The following RASEF variants were observed in gnomAD, a reference collection of about 807,000 sequenced individuals.
RASEF encodes the protein RAS and EF-hand domain containing.
RASEF carries 68 observed loss-of-function variants against 90.1 expected under a neutral mutation model. That is an observed-to-expected ratio of 0.75 (90% CI 0.62 to 0.92). RASEF has a LOEUF of 0.92. Ranked by LOEUF, RASEF falls within the 40% of genes least tolerant of loss-of-function variation. The probability of loss-of-function intolerance (pLI) is 0.00; values close to 1 mark genes in which losing one functional copy is unlikely to be tolerated. For missense variants in RASEF, 949 were observed against 937.2 expected, an observed-to-expected ratio of 1.01 and a Z score of -0.16; for synonymous variants, 331 against 345.2, an observed-to-expected ratio of 0.96 and a Z score of 0.46.
the RASEF span, among the ~76,000 whole-genome samples, chr9:83,118,662 A>C: frequency 6.6e-6 from 1 of 152,176 alleles, no homozygotes; most frequent in Non-Finnish European, 1.5e-5. Flanking sequence ...TATAGTTTCC[A>C]TCATCACCAC....
chr9:83,194,465 T>A, the RASEF span, among the ~76,000 whole-genome samples: 23 of 152,126 alleles, frequency 1.5e-4, no homozygotes, highest in African/African-American at 5.3e-4. Context: ...TCAACATGAC[T>A]CGTCACAGAT....
chr9:83,212,358 A>G, the RASEF span, among the ~76,000 whole-genome samples: 1 of 152,252 alleles, frequency 6.6e-6, no homozygotes, highest in African/African-American at 2.4e-5. Flanking sequence ...ACCAATGTAT[A>G]GCTCAAGTTG....
chr9:83,087,473 T>A, the RASEF span, among the ~76,000 whole-genome samples: 1 of 147,816 alleles, frequency 6.8e-6, no homozygotes, highest in African/African-American at 2.5e-5. Flanking sequence ...AGAACACAGC[T>A]TGAAGGTGGC....
chr9:83,093,309 C>T, the RASEF span, among the ~76,000 whole-genome samples: 1 of 152,206 alleles, frequency 6.6e-6, no homozygotes, highest in Non-Finnish European at 1.5e-5. Flanking sequence ...ACTGCTCAGC[C>T]CTTGGGTGGT....
At chr9:83,098,761 T>C in the RASEF span, among the ~76,000 whole-genome samples, 2 of 152,222 alleles carry the variant, frequency 1.3e-5, no homozygotes, top group African/African-American at 4.8e-5. Context: ...CAGGGAATTC[T>C]CATTTATAAA....
intron 2 of RASEF, among the ~76,000 whole-genome samples, chr9:83,024,315 A>T (rs1271040193): frequency 6.6e-6 from 1 of 151,960 alleles, no homozygotes; most frequent in Non-Finnish European, 1.5e-5. Context: ...TAATGAGAAC[A>T]TCAAGCATGC....
intron 1 of RASEF, among the ~76,000 whole-genome samples, chr9:83,045,320 T>C (rs1050737513): frequency 6.6e-6 from 1 of 152,214 alleles, no homozygotes; most frequent in Non-Finnish European, 1.5e-5. Context: ...ACAGTGAATG[T>C]ATGCTAGGAC....
intron 1 of RASEF, among the ~76,000 whole-genome samples, chr9:83,045,707 T>G (rs1482510440): frequency 6.6e-6 from 1 of 152,224 alleles, no homozygotes; most frequent in Non-Finnish European, 1.5e-5. Flanking sequence ...AGGACTTCTC[T>G]GCCATAATGC....
chr9:83,179,132 A>G, the RASEF span, among the ~76,000 whole-genome samples: 9 of 152,206 alleles, frequency 5.9e-5, no homozygotes, highest in Non-Finnish European at 1.0e-4. Context: ...GATTTATAAC[A>G]AAAGGATATG....
chr9:83,022,283 T>C (rs1829458370), intron 3 of RASEF, 53 bp downstream of exon 3: 3 of 1,395,714 alleles, frequency 2.1e-6, no homozygotes, highest in African/African-American at 2.8e-5. Context: ...GCCCTCTCCG[T>C]AGAAACCACC....
intron 1 of RASEF, among the ~76,000 whole-genome samples, chr9:83,061,500 C>T (rs1830198940): frequency 1.3e-5 from 2 of 152,192 alleles, no homozygotes; most frequent in Non-Finnish European, 1.5e-5. Flanking sequence ...CAGAAAAACA[C>T]TTAACAGCAC....
chr9:83,146,310 C>T, the RASEF span, among the ~76,000 whole-genome samples: 2 of 152,060 alleles, frequency 1.3e-5, no homozygotes, highest in South Asian at 4.2e-4. Context: ...AAGGGTCCTT[C>T]TAGAACTAAA....
the RASEF span, among the ~76,000 whole-genome samples, chr9:83,192,005 A>T: frequency 2.6e-5 from 4 of 152,230 alleles, no homozygotes; most frequent in Admixed American, 6.5e-5. Context: ...CCACAATGAG[A>T]TACCATCTCA....
At chr9:83,121,757 A>T in the RASEF span, among the ~76,000 whole-genome samples, 1 of 152,198 alleles carries the variant, frequency 6.6e-6, no homozygotes, top group Non-Finnish European at 1.5e-5. Flanking sequence ...TGACTCTATT[A>T]GAGCCAAACA....
chr9:83,073,829 A>G, the RASEF span, among the ~76,000 whole-genome samples: 1 of 152,226 alleles, frequency 6.6e-6, no homozygotes, highest in East Asian at 1.9e-4. Flanking sequence ...TTACAAACCA[A>G]TAATGTAAAC....
chr9:83,191,761 C>A, the RASEF span, among the ~76,000 whole-genome samples: 1 of 152,032 alleles, frequency 6.6e-6, no homozygotes, highest in Non-Finnish European at 1.5e-5. Flanking sequence ...TCACCCCTGT[C>A]AAAAAATGTT....
At chr9:83,199,772 A>G in the RASEF span, among the ~76,000 whole-genome samples, 2 of 152,194 alleles carry the variant, frequency 1.3e-5, no homozygotes, top group African/African-American at 4.8e-5. Context: ...CCAAGGACAC[A>G]AATGCGTATC....
the RASEF span, among the ~76,000 whole-genome samples, chr9:83,200,345 A>G: frequency 1.3e-5 from 2 of 152,140 alleles, no homozygotes; most frequent in African/African-American, 4.8e-5. Flanking sequence ...GCAGTGAGCC[A>G]AGATCATGCC....
chr9:83,024,033 G>A (rs553104887), intron 2 of RASEF, among the ~76,000 whole-genome samples: 19 of 152,334 alleles, frequency 1.2e-4, no homozygotes, highest in African/African-American at 4.1e-4. Context: ...TTCTTCAGGT[G>A]CAGTGCAGAA....
Sources: allele counts gnomAD v4.1 joint callset (sites outside exome capture counted in the v4.1 genomes callset), GRCh38; gene constraint gnomAD v4.1.1; transcripts MANE v1.5; gene names NCBI Gene and HGNC (gene_info 2026-07-23, HGNC 2026-07-21).